Variants in NYAP2 observed in about 807,000 individuals in gnomAD.
NYAP2 encodes the protein neuronal tyrosine-phosphorylated phosphoinositide-3-kinase adaptor 2.
Under a neutral mutation model 50.4 loss-of-function variants are expected in NYAP2, and 23 were observed. The observed-to-expected ratio is 0.46, with a 90% confidence interval of 0.33 to 0.65. The LOEUF (loss-of-function observed/expected upper bound fraction) is 0.65. NYAP2 is among the 30% of genes least tolerant of loss of function. The pLI, the probability that NYAP2 is intolerant of heterozygous loss-of-function variation, is 0.02. For missense variants in NYAP2, 885 were observed against 861.0 expected, an observed-to-expected ratio of 1.03 and a Z score of -0.35; for synonymous variants, 394 against 365.2, an observed-to-expected ratio of 1.08 and a Z score of -0.90.
intron 3 of NYAP2, among the ~76,000 whole-genome samples, chr2:225,500,650 C>T (rs904947546): frequency 1.3e-5 from 2 of 152,140 alleles, no homozygotes; most frequent in South Asian, 2.1e-4. Flanking sequence ...TCAGAAGAAG[C>T]ACATATTACA....
intron 3 of NYAP2, among the ~76,000 whole-genome samples, chr2:225,504,964 C>T: frequency 6.6e-6 from 1 of 151,674 alleles, no homozygotes; most frequent in South Asian, 2.1e-4. Flanking sequence ...GCCAAGATTG[C>T]ACCACTGCGC....
At chr2:225,569,935 A>T (rs1270500566) in intron 4 of NYAP2, among the ~76,000 whole-genome samples, 1 of 152,116 alleles carries the variant, frequency 6.6e-6, no homozygotes. Flanking sequence ...TCTTTTCTTT[A>T]TCCTACTAGA....
intron 3 of NYAP2, among the ~76,000 whole-genome samples, chr2:225,498,698 A>G (rs532979875): frequency 6.6e-6 from 1 of 152,282 alleles, no homozygotes; most frequent in Non-Finnish European, 1.5e-5. Context: ...GGTTTGGAAA[A>G]TAGGGAATAG....
intron 3 of NYAP2, among the ~76,000 whole-genome samples, chr2:225,502,508 A>G (rs919546082): frequency 6.6e-6 from 1 of 152,220 alleles, no homozygotes; most frequent in Non-Finnish European, 1.5e-5. Context: ...TTTAATTAAT[A>G]CTTATTGGTT....
the NYAP2 span, among the ~76,000 whole-genome samples, chr2:225,669,306 T>A: frequency 6.6e-6 from 1 of 152,172 alleles, no homozygotes. Flanking sequence ...TTACCCTGTA[T>A]TGTTTTAAAA....
chr2:225,683,098 A>T, the NYAP2 span, among the ~76,000 whole-genome samples: 1 of 152,128 alleles, frequency 6.6e-6, no homozygotes, highest in African/African-American at 2.4e-5. Context: ...CAACTGAAAG[A>T]TATCATGGTG....
chr2:225,692,892 C>T, the NYAP2 span, among the ~76,000 whole-genome samples: 216 of 150,984 alleles, frequency 1.4e-3, 3 homozygotes, highest in African/African-American at 5.2e-3. Context: ...CACACACACA[C>T]ATATATTTAC....
chr2:225,561,211 C>A (rs1028384755), intron 4 of NYAP2, among the ~76,000 whole-genome samples: 1 of 151,948 alleles, frequency 6.6e-6, no homozygotes, highest in Admixed American at 6.6e-5. Flanking sequence ...ATAAGGTGGT[C>A]ATGAGAAACC....
At position 225,427,166 on chromosome 2, in the gene NYAP2, A is replaced by T. The variant is rs553053971; in HGVS notation, c.221+18065A>T. Among the ~76,000 whole-genome samples the T allele has an allele frequency of 1.6e-4, 25 of 152,288 alleles. 1 individual carries two copies. The highest frequency in any genetic ancestry group is 6.8e-3 in the Middle Eastern group (2 of 294). On this transcript the variant is annotated intron_variant, in intron 3 of 6. Transcript: ENST00000636099. ...TGTCATCCTTAAAGTTTATCCATGC[A>T]ACTCCAAAATAGATGGAGAAATGTT...
At chr2:225,529,264 C>T (rs984448695) in intron 4 of NYAP2, among the ~76,000 whole-genome samples, 2 of 152,008 alleles carry the variant, frequency 1.3e-5, no homozygotes, top group Non-Finnish European at 2.9e-5. Flanking sequence ...TCGATGCCAC[C>T]GTCCTCAGAA....
chr2:225,582,087 CG>C lies in NYAP2; in HGVS notation c.673del (p.Asp225ThrfsTer47). Reference sequence around the variant, plus strand: ...TGGGCCCCGGAGGACGTCGCTGCCGCGGGACTCCTCCTTGTCCCAGATGGGC... The same window carrying C: ...TGGGCCCCGGAGGACGTCGCTGCCGCGGACTCCTCCTTGTCCCAGATGGGC... On this transcript the variant is annotated frameshift_variant, in exon 5 of 7. Coordinates refer to ENST00000636099, the Ensembl canonical transcript of NYAP2. LOFTEE classifies it high-confidence loss of function. This position sits in a 1 kb window ranked among gnomAD's most constrained non-coding sequence, Gnocchi z 7.0. 6.2e-7 allele frequency: 1 copy of C among 1,614,026 alleles called. No homozygotes were observed.
At position 225,511,228 on chromosome 2, in the gene NYAP2, C is replaced by T. The variant is rs1574651114; in HGVS notation, c.222-2143C>T. Among the ~76,000 whole-genome samples, 4 of 152,070 alleles carry T rather than the reference C, an allele frequency of 2.6e-5. No homozygotes were observed. In the South Asian group the frequency reaches 6.2e-4, roughly 24 times the overall value. ...AGACCTTCCTATACCAAGACTGCCC[C>T]TCACGTCCACTATCCCATCCTTTCT... On this transcript the variant is annotated intron_variant, in intron 3 of 6. Transcript: ENST00000636099.
intron 3 of NYAP2, among the ~76,000 whole-genome samples, chr2:225,512,045 A>G (rs1040307089): frequency 1.3e-5 from 2 of 152,218 alleles, no homozygotes; most frequent in Non-Finnish European, 2.9e-5. Flanking sequence ...TCATAGATAA[A>G]AAGAAACTCT....
the NYAP2 span, among the ~76,000 whole-genome samples, chr2:225,673,719 G>A: frequency 1.3e-5 from 2 of 152,060 alleles, no homozygotes; most frequent in Non-Finnish European, 2.9e-5. Context: ...GCATTAAAGA[G>A]CAATTGTTAG....
chr2:225,408,831 TG>T, intron 2 of NYAP2, 32 bp from the exon 3 acceptor site: 1 of 1,299,146 alleles, frequency 7.7e-7, no homozygotes, highest in Non-Finnish European at 1.1e-6. Context: ...TTCCCCACCC[TG>T]GATAAAAGTA....
chr2:225,419,776 A>G (rs575225667), intron 3 of NYAP2, among the ~76,000 whole-genome samples: 1 of 152,150 alleles, frequency 6.6e-6, no homozygotes, highest in Non-Finnish European at 1.5e-5. Context: ...TAATGTGACT[A>G]TCTCAATAAC....
chr2:225,446,273 T>C (rs1305970994), intron 3 of NYAP2, among the ~76,000 whole-genome samples: 1 of 139,660 alleles, frequency 7.2e-6, no homozygotes, highest in East Asian at 2.0e-4. Context: ...TATATATATA[T>C]ATATATATGT....
intron 4 of NYAP2, among the ~76,000 whole-genome samples, chr2:225,576,010 T>C (rs922472813): frequency 1.1e-4 from 16 of 152,234 alleles, no homozygotes; most frequent in African/African-American, 3.9e-4. Context: ...AACTAGTGGA[T>C]TGAAATGAAC....
At chr2:225,622,541 CTTTCTTTCTTTCTTTCTTTTT>C (rs1693128779) in intron 5 of NYAP2, among the ~76,000 whole-genome samples, 1 of 64,680 alleles carries the variant, frequency 1.5e-5, no homozygotes, top group Non-Finnish European at 3.1e-5. Context: ...TTCTTTCTTT[CTTTCTTTCTTTCTTTCTTTTT>C]CTTTCTTTCT....
Sources: allele counts gnomAD v4.1 joint callset (sites outside exome capture counted in the v4.1 genomes callset), GRCh38; gene constraint gnomAD v4.1.1; non-coding constraint Gnocchi (gnomAD v3.1); transcripts MANE v1.5; gene names NCBI Gene and HGNC (gene_info 2026-07-23, HGNC 2026-07-21).